TEX36: variants seen among roughly 807,000 people sequenced by gnomAD.
The protein encoded by TEX36 is testis-expressed protein 36.
In TEX36, 12 loss-of-function variants were observed where a neutral mutation model predicts 13.6. The observed-to-expected ratio is 0.88, with a 90% CI of 0.56 to 1.43. The LOEUF is 1.43. TEX36 is among the 40% of genes most tolerant of loss of function. The pLI is 0.00. For synonymous variants in TEX36, 93 were observed against 83.0 expected, an observed-to-expected ratio of 1.12 and a Z score of -0.65; for missense variants, 224 against 228.3, an observed-to-expected ratio of 0.98 and a Z score of 0.12.
intron 3 of TEX36, among the ~76,000 whole-genome samples, chr10:125,612,332 C>A (rs1027803186): frequency 2.0e-4 from 30 of 151,618 alleles, no homozygotes; most frequent in African/African-American, 7.3e-4. Context: ...GATCCACCCA[C>A]CTTGGCCTCC....
downstream of TEX36, among the ~76,000 whole-genome samples, chr10:125,618,887 A>C (rs1262683766): frequency 3.4e-5 from 5 of 146,540 alleles, no homozygotes; most frequent in African/African-American, 1.3e-4. Context: ...CAGGTGGATC[A>C]CTAGGTCAGG....
chr10:125,646,496 G>A (rs924243724), intron 3 of TEX36, among the ~76,000 whole-genome samples: 4 of 152,140 alleles, frequency 2.6e-5, no homozygotes, highest in African/African-American at 9.7e-5. Context: ...AAATAATTGA[G>A]TTATGTTTTC....
At chr10:125,657,288 G>A (rs536559317) in intron 3 of TEX36, among the ~76,000 whole-genome samples, 1 of 152,214 alleles carries the variant, frequency 6.6e-6, no homozygotes, top group South Asian at 2.1e-4. Flanking sequence ...GTCTACATAC[G>A]TGTGGGTGTG....
intron 3 of TEX36, among the ~76,000 whole-genome samples, chr10:125,597,827 G>A (rs976828794): frequency 6.6e-6 from 1 of 152,120 alleles, no homozygotes; most frequent in Admixed American, 6.5e-5. Context: ...GGGGGCCTGG[G>A]TTTCCAAAAA....
At chr10:125,635,122 G>C (rs147572047) in intron 3 of TEX36, among the ~76,000 whole-genome samples, 59 of 152,306 alleles carry the variant, frequency 3.9e-4, no homozygotes, top group African/African-American at 1.3e-3. Context: ...CATGAGAAGT[G>C]TAACTAGGGG....
chr10:125,604,406 T>G (rs967919956), intron 3 of TEX36, among the ~76,000 whole-genome samples: 1 of 152,230 alleles, frequency 6.6e-6, no homozygotes, highest in Non-Finnish European at 1.5e-5. Flanking sequence ...CTGGGCACGG[T>G]GGCTCATGCC....
At chr10:125,682,815 T>C (rs1847417259) in intron 1 of TEX36, 124 bp downstream of exon 1, 1 of 1,078,534 alleles carries the variant, frequency 9.3e-7, no homozygotes, top group East Asian at 2.6e-5. Flanking sequence ...TGAGGTTGAG[T>C]AAAGTGAAGT....
At chr10:125,627,083 A>G (rs297242) in intron 3 of TEX36, among the ~76,000 whole-genome samples, 33,361 of 152,186 alleles carry the variant, frequency 0.22, 5,775 homozygotes, top group African/African-American at 0.48. Flanking sequence ...GCCACTTTCC[A>G]GAGTCAACAG....
At chr10:125,664,328 T>C (rs1414437907) in intron 1 of TEX36, among the ~76,000 whole-genome samples, 1 of 152,242 alleles carries the variant, frequency 6.6e-6, no homozygotes, top group African/African-American at 2.4e-5. Flanking sequence ...CTCAGTATAC[T>C]GATTTCCTTT....
At chr10:125,624,738 G>C (rs1042581414) in intron 3 of TEX36, among the ~76,000 whole-genome samples, 3 of 151,958 alleles carry the variant, frequency 2.0e-5, no homozygotes, top group African/African-American at 7.3e-5. Context: ...AATTTTAAAG[G>C]AGTGTTGTCC....
chr10:125,682,297 C>A (rs1847408860), intron 1 of TEX36, among the ~76,000 whole-genome samples: 1 of 152,146 alleles, frequency 6.6e-6, no homozygotes, highest in East Asian at 1.9e-4. Context: ...CCCACAGGCT[C>A]TGTAAGTGAC....
intron 3 of TEX36, among the ~76,000 whole-genome samples, chr10:125,659,733 A>G (rs527553011): frequency 6.6e-6 from 1 of 152,328 alleles, no homozygotes; most frequent in Admixed American, 6.5e-5. Flanking sequence ...CTAAATTGAG[A>G]TGATAAGTGT....
chr10:125,673,834 CT>C, intron 1 of TEX36, among the ~76,000 whole-genome samples: 1 of 150,950 alleles, frequency 6.6e-6, no homozygotes, highest in African/African-American at 2.4e-5. Flanking sequence ...CCTGGCCTTT[CT>C]TTCTGGCTGA....
downstream of TEX36, among the ~76,000 whole-genome samples, chr10:125,620,317 A>G (rs1239316966): frequency 2.0e-5 from 3 of 152,188 alleles, no homozygotes; most frequent in Non-Finnish European, 2.9e-5. Flanking sequence ...AGAAATGGAA[A>G]CTCATTGTTG....
chr10:125,656,253 T>TC (rs1310845711), intron 3 of TEX36, 57 bp from the exon 4 acceptor site: 2 of 1,148,416 alleles, frequency 1.7e-6, no homozygotes, highest in Admixed American at 4.3e-5. Flanking sequence ...ATAGTTCTTT[T>TC]TTTTTTTTTT....
At chr10:125,610,660 T>C (rs1846277683) in intron 3 of TEX36, among the ~76,000 whole-genome samples, 1 of 152,100 alleles carries the variant, frequency 6.6e-6, no homozygotes. Flanking sequence ...ATGTACAGAT[T>C]TTTTTTAAAT....
At chr10:125,600,405 AG>A (rs1251630153) in intron 3 of TEX36, among the ~76,000 whole-genome samples, 1 of 152,038 alleles carries the variant, frequency 6.6e-6, no homozygotes, top group Non-Finnish European at 1.5e-5. Context: ...GGGAGTGATC[AG>A]GGGGGTCTCC....
At chr10:125,598,539 C>T (rs775066875) in intron 3 of TEX36, among the ~76,000 whole-genome samples, 1 of 152,194 alleles carries the variant, frequency 6.6e-6, no homozygotes, top group Admixed American at 6.5e-5. Context: ...ACCAACAGAG[C>T]CCAGTGCCAA....
At chr10:125,588,592 GGTTTGTTTGTTTGTTTGTTT>G (rs59372231) in intron 3 of TEX36, among the ~76,000 whole-genome samples, 5 of 147,368 alleles carry the variant, frequency 3.4e-5, no homozygotes, top group African/African-American at 7.4e-5. Context: ...CCAGGCTCTT[GGTTTGTTTGTTTGTTTGTTT>G]GTTTGTTTGT....
Sources: allele counts gnomAD v4.1 joint callset (sites outside exome capture counted in the v4.1 genomes callset), GRCh38; gene constraint gnomAD v4.1.1; transcripts MANE v1.5; gene names NCBI Gene and HGNC (gene_info 2026-07-23, HGNC 2026-07-21).